Variants in SLC12A5 observed in about 807,000 individuals in gnomAD.
SLC12A5 encodes K-Cl cotransporter 2.
In SLC12A5, 18 loss-of-function variants were observed where a neutral mutation model predicts 124.0. That is an observed-to-expected ratio of 0.15 (90% confidence interval 0.10 to 0.22). The LOEUF (loss-of-function observed/expected upper bound fraction) is 0.22, where lower values mean the gene tolerates loss of function less well. Among genes scored for constraint, SLC12A5 ranks in the 10% least tolerant of loss-of-function variants. The probability of loss-of-function intolerance (pLI) is 1.00; values close to 1 mark genes in which losing one functional copy is unlikely to be tolerated. For synonymous variants in SLC12A5, 589 were observed against 568.0 expected, an observed-to-expected ratio of 1.04 and a Z score of -0.53; for missense variants, 867 against 1,478.7, an observed-to-expected ratio of 0.59 and a Z score of 6.78.
chr20:46,047,508 C>A lies in SLC12A5; in HGVS notation c.1842C>A (p.Ser614=). 6.2e-7 allele frequency: 1 copy of A among 1,614,114 alleles called. No homozygotes were observed. Among genetic ancestry groups the A allele is most frequent in the South Asian group, 1.1e-5 (1 of 91,082 alleles). ...GCCTGGCCCTCATGTTCATCTGCTCCTGGTATTATGCACTGGTAGCCATGC... is the reference window on the plus strand; with the variant it reads ...GCCTGGCCCTCATGTTCATCTGCTCATGGTATTATGCACTGGTAGCCATGC... ...SLCLALMFIC[S]WYYALVAMLI... Residue 614 remains serine, a synonymous_variant, in exon 15 of 26, where the codon TCC becomes TCA. Coordinates refer to ENST00000243964, the MANE Select transcript of SLC12A5 (RefSeq NM_020708.5).
intron 6 of SLC12A5, 77 bp from the exon 7 acceptor site, chr20:46,040,296 C>A (rs923155402): frequency 1.3e-6 from 2 of 1,577,430 alleles, no homozygotes; most frequent in South Asian, 2.3e-5. Context: ...TGATGAGCAT[C>A]TTTTTTCCTA....
intron 1 of SLC12A5, among the ~76,000 whole-genome samples, chr20:46,033,704 A>G (rs1461497926): frequency 1.3e-5 from 2 of 152,098 alleles, no homozygotes; most frequent in African/African-American, 4.8e-5. Flanking sequence ...CATTTATCAA[A>G]TAGCACCATC....
upstream of SLC12A5, chr20:46,029,127 G>T (rs2084422253): frequency 2.9e-6 from 4 of 1,373,690 alleles, no homozygotes; most frequent in South Asian, 7.0e-5. Context: ...CATACGGGAT[G>T]AGGTGAGCAG....
chr20:46,021,937 A>AG, intron 1 of SLC12A5: 1 of 1,417,182 alleles, frequency 7.1e-7, no homozygotes, highest in Non-Finnish European at 9.3e-7. Flanking sequence ...GACGAGGGGG[A>AG]GGGGCCGGGG....
exon 2 of SLC12A5, chr20:46,022,984 G>GAGGAAGAGGAGA (rs2084368667): frequency 2.6e-6 from 1 of 385,912 alleles, no homozygotes; most frequent in African/African-American, 2.3e-5. Flanking sequence ...GGAAGAGGAG[G>GAGGAAGAGGAGA]AGGAGGAAGA....
At chr20:46,032,062 G>A (rs550507137) in intron 1 of SLC12A5, among the ~76,000 whole-genome samples, 2 of 152,372 alleles carry the variant, frequency 1.3e-5, no homozygotes, top group African/African-American at 2.4e-5. Flanking sequence ...CCCAGAACTA[G>A]CCTACCTAGC....
chr20:46,030,527 C>T (rs1381345875), intron 1 of SLC12A5, among the ~76,000 whole-genome samples: 1 of 151,746 alleles, frequency 6.6e-6, no homozygotes, highest in Non-Finnish European at 1.5e-5. Flanking sequence ...CCCCACCCCC[C>T]ACTCTCCAGC....
chr20:46,055,875 T>A lies in SLC12A5; in HGVS notation c.2788-275T>A, dbSNP rs942856063. Reference sequence around the variant, plus strand: ...ATGGCATGGTCACTGACCAGTGGACTGAGGACTGACATTGGACCATAGTGC... The same window carrying A: ...ATGGCATGGTCACTGACCAGTGGACAGAGGACTGACATTGGACCATAGTGC... On this transcript the variant is annotated intron_variant, in intron 21 of 25. Transcript: ENST00000243964. The A allele has an allele frequency of 6.8e-6, 3 of 442,566 alleles. No homozygotes were observed. The South Asian group carries it at 7.8e-5, about 11-fold the overall frequency. 27.4% of individuals were successfully genotyped at this position (442,566 alleles called of 1,614,324 possible).
chr20:46,029,292 G>C lies in SLC12A5; in HGVS notation c.-53G>C. On this transcript the variant is annotated 5_prime_UTR_variant, in exon 1 of 26. Transcript: ENST00000243964. ...GAGAGAGCGGCGAAGGCGGGTAGAG[G>C]GGCGCGGGCGAGGCGGCGCAGCCAT... is the stretch of plus-strand genomic sequence containing the variant. 6.6e-7 allele frequency: 1 copy of C among 1,520,034 alleles called. No individual in the cohort carries two copies. Among genetic ancestry groups the C allele is most frequent in the Non-Finnish European group, 8.8e-7 (1 of 1,134,040 alleles). 94.2% of individuals were successfully genotyped at this position (1,520,034 alleles called of 1,614,324 possible). A position where few individuals can be genotyped will look rare whatever the true frequency, so the allele number is the denominator to read the frequency against.
At chr20:46,031,465 C>A (rs910732959) in intron 1 of SLC12A5, among the ~76,000 whole-genome samples, 4 of 152,130 alleles carry the variant, frequency 2.6e-5, no homozygotes, top group African/African-American at 9.7e-5. Flanking sequence ...GACCATCAGG[C>A]CAAGAGCCCC....
At position 46,056,236 on chromosome 20, in the gene SLC12A5, G is replaced by C. The variant is rs1223270370; in HGVS notation, c.2874G>C (p.Glu958Asp). The C allele has an allele frequency of 1.9e-6, 3 of 1,614,086 alleles. No individual in the cohort carries two copies. The highest frequency in any genetic ancestry group is 1.7e-6 in the Non-Finnish European group (2 of 1,180,044). ...NTRLRLNVPE[E>D]TAGDSEEKPE... Reference sequence around the variant, plus strand: ...GGCTCCGCCTGAACGTCCCAGAAGAGACGGCTGGTGACAGTGAAGAGAAGC... The same window carrying C: ...GGCTCCGCCTGAACGTCCCAGAAGACACGGCTGGTGACAGTGAAGAGAAGC... The change falls in exon 22 of 26, where the codon GAG becomes GAC. Residue 958 changes from glutamate (E) to aspartate (D), a missense_variant. Coordinates refer to ENST00000243964, the MANE Select transcript of SLC12A5 (RefSeq NM_020708.5). The surrounding 1 kb of genome is among the most constrained non-coding windows in gnomAD (Gnocchi z 4.3).
chr20:46,045,875 C>G lies in SLC12A5; in HGVS notation c.1570-3C>G, dbSNP rs1371403151. The G allele has an allele frequency of 6.2e-7, 1 of 1,613,412 alleles. No individual in the cohort carries two copies. The highest frequency in any genetic ancestry group is 8.5e-7 in the Non-Finnish European group (1 of 1,179,504). Reference sequence around the variant, plus strand: ...AGTCCCATGATGATTGCTCTTTCCCCAGGTCTTTGGCCATGGCAAGGCCAA... The same window carrying G: ...AGTCCCATGATGATTGCTCTTTCCCGAGGTCTTTGGCCATGGCAAGGCCAA... On this transcript the variant is annotated splice_region_variant and splice_polypyrimidine_tract_variant and intron_variant, in intron 12 of 25. Coordinates refer to ENST00000243964, the MANE Select transcript of SLC12A5 (RefSeq NM_020708.5). This position sits in a 1 kb window ranked among gnomAD's most constrained non-coding sequence, Gnocchi z 4.9.
At chr20:46,044,262 G>A (rs915567620) in intron 11 of SLC12A5, among the ~76,000 whole-genome samples, 1 of 152,038 alleles carries the variant, frequency 6.6e-6, no homozygotes, top group South Asian at 2.1e-4. Flanking sequence ...TGTTCCCTCC[G>A]AGATTCTGGA....
chr20:46,035,372 A>T (rs374648198), intron 2 of SLC12A5, 32 bp from the exon 3 acceptor site: 1 of 1,592,180 alleles, frequency 6.3e-7, no homozygotes, highest in Non-Finnish European at 8.6e-7. Context: ...TTGCTCCCCC[A>T]GCCTCCTAGC....
At chr20:46,027,441 C>T (rs965907893), upstream of SLC12A5, among the ~76,000 whole-genome samples, 2 of 152,188 alleles carry the variant, frequency 1.3e-5, no homozygotes, top group Non-Finnish European at 2.9e-5. Flanking sequence ...AGCCCTGGAT[C>T]CTGTCCATGG....
chr20:46,035,578 TGGGGGGTGGGGGA>T, intron 3 of SLC12A5, 43 bp downstream of exon 3: 1 of 341,518 alleles, frequency 2.9e-6, no homozygotes, highest in Non-Finnish European at 4.9e-6. Context: ...AAGGGACGGA[TGGGGGGTGGGGGA>T]GGATGGGGGA....
rs1369344125 is a variant in SLC12A5, at chr20:46,053,319, G to A, written c.2547+193G>A. 6.6e-6 allele frequency among the ~76,000 whole-genome samples: 1 copy of A among 152,220 alleles called. No homozygotes were observed. The highest frequency in any genetic ancestry group is 1.5e-5 in the Non-Finnish European group (1 of 68,046). On this transcript the variant is annotated intron_variant, in intron 19 of 25. Transcript: ENST00000243964. The surrounding 1 kb of genome is among the most constrained non-coding windows in gnomAD (Gnocchi z 4.7). ...CATTCTGAGATGTTAGGAACTGATG[G>A]TTTCTCCTCTTGCAGGTGCACTGCT...
exon 2 of SLC12A5, chr20:46,023,062 C>A (rs1044390224): frequency 1.4e-4 from 55 of 401,048 alleles, no homozygotes; most frequent in Non-Finnish European, 2.4e-4. Flanking sequence ...GGGTCGCTGC[C>A]GAGCCGCAGG....
In SLC12A5 at chr20:46,057,094, G is replaced by T. The variant is rs1031835757; in HGVS notation, c.3126-76G>T. Reference sequence around the variant, plus strand: ...AACCAGTCCCCAGCAGCCCAGTTCGGGCTGGAAGGGCGACTGGCTCCAATC... The same window carrying T: ...AACCAGTCCCCAGCAGCCCAGTTCGTGCTGGAAGGGCGACTGGCTCCAATC... On this transcript the variant is annotated intron_variant, in intron 24 of 25. Transcript: ENST00000243964. This position sits in a 1 kb window ranked among gnomAD's most constrained non-coding sequence, Gnocchi z 7.1. 1.4e-5 allele frequency: 23 copies of T among 1,604,926 alleles called. No individual in the cohort carries two copies. The highest frequency in any genetic ancestry group is 1.9e-5 in the Non-Finnish European group (22 of 1,173,550).
Sources: gnomAD v4.1 joint callset for allele counts (sites outside exome capture counted in the v4.1 genomes callset) on GRCh38, gnomAD v4.1.1 for gene constraint, Gnocchi (gnomAD v3.1) non-coding constraint, MANE v1.5 for transcripts, NCBI Gene and HGNC (gene_info 2026-07-23, HGNC 2026-07-21) for gene names.